Variants in FARP1 observed in about 807,000 individuals in gnomAD.
The protein encoded by FARP1 is FERM, ARHGEF and pleckstrin domain-containing protein 1.
In FARP1, 52 loss-of-function variants were observed where a neutral mutation model predicts 128.8. That is an observed-to-expected ratio of 0.40 (90% confidence interval 0.32 to 0.51). The LOEUF is 0.51. Among genes scored for constraint, FARP1 ranks in the 20% least tolerant of loss-of-function variants. FARP1 has a pLI of 0.45. For missense variants in FARP1, 1,333 were observed against 1,367.9 expected (o/e 0.97, Z 0.40); for synonymous variants, 580 against 551.8 (o/e 1.05, Z -0.72).
In FARP1 at chr13:98,431,099, A is replaced by T. The variant is rs779617016; in HGVS notation, c.1962A>T (p.Gly654=). The T allele has an allele frequency of 6.2e-7, 1 of 1,614,142 alleles. No homozygotes were observed. The highest frequency in any genetic ancestry group is 2.2e-5 in the East Asian group (1 of 44,868). ...HSEALEALEN[G]IKSSRRLENF... is the part of the protein sequence containing the mutation. ...AGGCCTTGGAGGCCCTGGAGAATGG[A>T]ATCAAGAGCTCCCGGCGGCTGGAGA... The change falls in exon 18 of 27, where the codon GGA becomes GGT. Residue 654 remains glycine (G), a synonymous_variant. Transcript: ENST00000319562.
intron 2 of FARP1, chr13:98,234,206 T>C (rs1165954770): frequency 6.6e-6 from 1 of 152,218 alleles, no homozygotes; most frequent in Non-Finnish European, 1.5e-5. Flanking sequence ...CCCAGGGGCT[T>C]CCTCTCACCT....
intron 2 of FARP1, among the ~76,000 whole-genome samples, chr13:98,292,074 A>C (rs932169531): frequency 6.6e-6 from 1 of 152,172 alleles, no homozygotes; most frequent in Non-Finnish European, 1.5e-5. Context: ...CCTCTGCAGG[A>C]GTTTTTCTGT....
chr13:98,353,673 C>T (rs559860180), intron 3 of FARP1, among the ~76,000 whole-genome samples: 63 of 152,238 alleles, frequency 4.1e-4, no homozygotes, highest in South Asian at 3.1e-3. Flanking sequence ...CCACCACACC[C>T]GGCCTGCTTT....
intron 3 of FARP1, among the ~76,000 whole-genome samples, chr13:98,348,501 A>G (rs1888273370): frequency 6.6e-6 from 1 of 152,236 alleles, no homozygotes; most frequent in African/African-American, 2.4e-5. Context: ...CGGACTTTGC[A>G]GGATTCTTGC....
chr13:98,429,698 G>C (rs1891937579), intron 17 of FARP1, among the ~76,000 whole-genome samples: 1 of 152,190 alleles, frequency 6.6e-6, no homozygotes, highest in Non-Finnish European at 1.5e-5. Flanking sequence ...CATGTGTCTG[G>C]ACAGCTGTGT....
intron 1 of FARP1, among the ~76,000 whole-genome samples, chr13:98,210,065 A>G (rs1429525962): frequency 6.6e-6 from 1 of 151,828 alleles, no homozygotes; most frequent in Admixed American, 6.6e-5. Flanking sequence ...CTATAGTACA[A>G]TGTATAGAAT....
chr13:98,336,974 C>T (rs1219102397), intron 2 of FARP1, among the ~76,000 whole-genome samples: 1 of 152,128 alleles, frequency 6.6e-6, no homozygotes, highest in Non-Finnish European at 1.5e-5. Flanking sequence ...AGGAATATTA[C>T]GATTGAGACT....
intron 2 of FARP1, among the ~76,000 whole-genome samples, chr13:98,216,158 T>C (rs565961349): frequency 1.3e-3 from 202 of 152,336 alleles, no homozygotes; most frequent in African/African-American, 4.8e-3. Context: ...ATTCCTTAAC[T>C]GGCTGTAGAA....
intron 2 of FARP1, among the ~76,000 whole-genome samples, chr13:98,226,521 T>C (rs997522353): frequency 6.6e-6 from 1 of 151,056 alleles, no homozygotes; most frequent in Non-Finnish European, 1.5e-5. Flanking sequence ...TTAACACAAC[T>C]GTATAACAAC....
At chr13:98,201,042 A>G (rs563745790) in intron 1 of FARP1, among the ~76,000 whole-genome samples, 1 of 152,180 alleles carries the variant, frequency 6.6e-6, no homozygotes, top group Non-Finnish European at 1.5e-5. Flanking sequence ...GGACATTCCA[A>G]TTCTCTTCTA....
intron 2 of FARP1, among the ~76,000 whole-genome samples, chr13:98,254,645 C>T (rs1883499464): frequency 6.6e-6 from 1 of 152,182 alleles, no homozygotes; most frequent in Non-Finnish European, 1.5e-5. Context: ...CAGCTGTTTA[C>T]ACATTCAGAT....
At chr13:98,377,753 G>A (rs1003389180) in intron 5 of FARP1, 68 bp from the exon 6 acceptor site, 2 of 1,144,170 alleles carry the variant, frequency 1.7e-6, no homozygotes, top group Non-Finnish European at 2.7e-6. Flanking sequence ...GGCCTCTCAT[G>A]GTGAGGCCAG....
rs200772667 is a variant in FARP1 at position 98,377,821 on chromosome 13, G to A, written c.399G>A (p.Arg133=). ...CGCCCAGCTCTGTTGATCTTCGCAG[G>A]TACCTGTTCGCGCTGCAGGTGAAGC... The part of the protein sequence containing the change: ...DHTQLQEELT[R]YLFALQVKQD... The change falls in exon 6 of 27, where the codon AGG becomes AGA. Residue 133 remains arginine, a splice_region_variant and synonymous_variant. Transcript: ENST00000319562. 51 of 1,613,158 alleles carry A rather than the reference G, an allele frequency of 3.2e-5. No individual in the cohort carries two copies. In the East Asian group the frequency reaches 1.1e-3, roughly 35 times the overall value.
chr13:98,397,037 AT>A (rs1342840172), intron 13 of FARP1: 1 of 152,218 alleles, frequency 6.6e-6, no homozygotes, highest in African/African-American at 2.4e-5. Context: ...TGTTGGTGAA[AT>A]CTTTCGTCAA....
intron 1 of FARP1, among the ~76,000 whole-genome samples, chr13:98,185,343 A>C (rs1878790854): frequency 6.6e-6 from 1 of 152,190 alleles, no homozygotes; most frequent in Admixed American, 6.5e-5. Flanking sequence ...TAACAGGGCA[A>C]GTCAAGAAAG....
intron 2 of FARP1, among the ~76,000 whole-genome samples, chr13:98,255,900 A>T (rs1219854723): frequency 6.6e-6 from 1 of 152,218 alleles, no homozygotes; most frequent in African/African-American, 2.4e-5. Context: ...CTGGAACTGT[A>T]GGCCATTGTG....
At chr13:98,301,918 TC>T in intron 2 of FARP1, among the ~76,000 whole-genome samples, 1 of 152,262 alleles carries the variant, frequency 6.6e-6, no homozygotes, top group Admixed American at 6.5e-5. Flanking sequence ...ACCGGATTTC[TC>T]AAACAAAACA....
At chr13:98,385,896 T>A in intron 8 of FARP1, 82 bp downstream of exon 8, 4 of 1,425,866 alleles carry the variant, frequency 2.8e-6, no homozygotes, top group Non-Finnish European at 3.9e-6. Context: ...TCATATTCAG[T>A]GGGCTAAGAC....
chr13:98,170,989 T>C (rs1247727109), intron 1 of FARP1, among the ~76,000 whole-genome samples: 1 of 152,212 alleles, frequency 6.6e-6, no homozygotes, highest in Non-Finnish European at 1.5e-5. Context: ...CTGGTCATTT[T>C]TGTCAAAGGA....
Sources: allele counts gnomAD v4.1 joint callset (sites outside exome capture counted in the v4.1 genomes callset), GRCh38; gene constraint gnomAD v4.1.1; transcripts MANE v1.5; gene names NCBI Gene and HGNC (gene_info 2026-07-23, HGNC 2026-07-21).